The following MYO1B variants were observed in gnomAD, a reference collection of about 807,000 sequenced individuals.
MYO1B encodes unconventional myosin-Ib.
A neutral mutation model predicts 159.7 loss-of-function variants in MYO1B; 72 were observed. That is an observed-to-expected ratio of 0.45 (90% CI 0.37 to 0.55). The LOEUF (loss-of-function observed/expected upper bound fraction) is 0.55, where lower values mean the gene tolerates loss of function less well. Ranked by LOEUF, MYO1B falls within the 20% of genes least tolerant of loss-of-function variation. MYO1B has a pLI of 0.00. For missense variants in MYO1B, 1,062 were observed against 1,364.8 expected, an observed-to-expected ratio of 0.78 and a Z score of 3.50; for synonymous variants, 468 against 473.8, an observed-to-expected ratio of 0.99 and a Z score of 0.16.
intron 7 of MYO1B, among the ~76,000 whole-genome samples, chr2:191,359,022 T>C (rs1693487018): frequency 6.6e-6 from 1 of 152,240 alleles, no homozygotes. Flanking sequence ...CAAGCCACTT[T>C]CTTCTAAACT....
At chr2:191,410,239 C>G (rs1252521315) in intron 26 of MYO1B, among the ~76,000 whole-genome samples, 1 of 152,146 alleles carries the variant, frequency 6.6e-6, no homozygotes, top group Non-Finnish European at 1.5e-5. Flanking sequence ...CTCACCCATC[C>G]CTCCATTGGA....
At chr2:191,362,498 G>T in intron 9 of MYO1B, 127 bp downstream of exon 9, 1 of 589,562 alleles carries the variant, frequency 1.7e-6, no homozygotes, top group Non-Finnish European at 2.8e-6. Context: ...AATTATACAA[G>T]AATTCTATTT....
At chr2:191,316,877 CAATTT>C (rs755327194) in intron 3 of MYO1B, among the ~76,000 whole-genome samples, 90 of 152,274 alleles carry the variant, frequency 5.9e-4, no homozygotes, top group Non-Finnish European at 1.1e-3. Flanking sequence ...AGTCTTCTAG[CAATTT>C]AATTTAGGAA....
chr2:191,418,355 C>T (rs1216911875), intron 30 of MYO1B, among the ~76,000 whole-genome samples: 1 of 151,962 alleles, frequency 6.6e-6, no homozygotes, highest in Admixed American at 6.6e-5. Flanking sequence ...TGACTAAGCC[C>T]TTCCTTGCTT....
rs1695375082 is a variant in MYO1B, at chr2:191,385,965, C to T, written c.1435C>T (p.Leu479=). The T allele has an allele frequency of 1.9e-6, 3 of 1,614,182 alleles. No homozygotes were observed. The highest frequency in any genetic ancestry group is 2.5e-6 in the Non-Finnish European group (3 of 1,180,006). The change falls in exon 16 of 31, where the codon CTG becomes TTG. Residue 479 remains leucine (L), a synonymous_variant. Coordinates refer to ENST00000392318, the MANE Select transcript of MYO1B (RefSeq NM_001130158.3). ...TVTDETFLEK[L]NQVCATHQHF... is the part of the protein sequence containing the mutation. ...CACTGATGAGACCTTCTTAGAAAAGCTGAACCAAGTATGTGCCACCCACCA... is the reference window on the plus strand; with the variant it reads ...CACTGATGAGACCTTCTTAGAAAAGTTGAACCAAGTATGTGCCACCCACCA...
chr2:191,263,012 AT>A (rs1686918125), intron 1 of MYO1B: 1 of 152,152 alleles, frequency 6.6e-6, no homozygotes, highest in Non-Finnish European at 1.5e-5. Context: ...CCTCAGTTAG[AT>A]TGCACATGCA....
chr2:191,302,786 G>A (rs1251805405), intron 3 of MYO1B, among the ~76,000 whole-genome samples: 1 of 152,214 alleles, frequency 6.6e-6, no homozygotes, highest in African/African-American at 2.4e-5. Flanking sequence ...AGCAACAAAT[G>A]TTAAAACTTA....
chr2:191,385,841 A>G (rs761001583), intron 15 of MYO1B, 43 bp from the exon 16 acceptor site: 75 of 1,586,952 alleles, frequency 4.7e-5, no homozygotes, highest in Non-Finnish European at 6.3e-5. Flanking sequence ...TTAAAACAAT[A>G]TAGTGAGGAA....
chr2:191,350,251 A>G, intron 7 of MYO1B, 26 bp downstream of exon 7: 4 of 1,556,660 alleles, frequency 2.6e-6, no homozygotes, highest in Non-Finnish European at 3.5e-6. Context: ...CAGTCCTTGT[A>G]AAGAAGTTCA....
intron 22 of MYO1B, 67 bp from the exon 23 acceptor site, chr2:191,400,682 A>T: frequency 9.7e-6 from 15 of 1,552,580 alleles, no homozygotes; most frequent in Middle Eastern, 1.7e-4. Flanking sequence ...TTCTTTCTTC[A>T]TTGAAAACCA....
chr2:191,292,222 T>G (rs2125798383), intron 2 of MYO1B, among the ~76,000 whole-genome samples: 1 of 152,328 alleles, frequency 6.6e-6, no homozygotes, highest in African/African-American at 2.4e-5. Flanking sequence ...CATTTTTAGT[T>G]TCTTGAGTCA....
intron 3 of MYO1B, among the ~76,000 whole-genome samples, chr2:191,302,915 C>A (rs984295627): frequency 6.6e-5 from 10 of 152,222 alleles, no homozygotes; most frequent in African/African-American, 2.4e-4. Flanking sequence ...AGCCCTCCGT[C>A]TGTGGACTCT....
chr2:191,265,580 C>G (rs964682672), intron 1 of MYO1B, among the ~76,000 whole-genome samples: 1 of 152,160 alleles, frequency 6.6e-6, no homozygotes, highest in Non-Finnish European at 1.5e-5. Flanking sequence ...GTGCACCCAC[C>G]AGGAACAAAT....
intron 16 of MYO1B, among the ~76,000 whole-genome samples, chr2:191,386,520 A>T (rs1695407960): frequency 1.3e-5 from 2 of 151,748 alleles, no homozygotes; most frequent in South Asian, 4.1e-4. Flanking sequence ...TTTTTAAAAC[A>T]CTTATTTATT....
chr2:191,278,078 A>G (rs1337651737), intron 2 of MYO1B, among the ~76,000 whole-genome samples: 1 of 152,234 alleles, frequency 6.6e-6, no homozygotes, highest in African/African-American at 2.4e-5. Context: ...TTTTCTAGAT[A>G]GCCAACTCTC....
At chr2:191,381,378 C>A in intron 13 of MYO1B, 84 bp from the exon 14 acceptor site, 1 of 975,206 alleles carries the variant, frequency 1.0e-6, no homozygotes, top group Non-Finnish European at 1.6e-6. Flanking sequence ...TGGCATTTCT[C>A]ATGGATTGAG....
intron 4 of MYO1B, among the ~76,000 whole-genome samples, chr2:191,340,158 C>T (rs766389860): frequency 6.6e-6 from 1 of 151,946 alleles, no homozygotes; most frequent in Non-Finnish European, 1.5e-5. Context: ...TTCTGGGTCC[C>T]AGTTACGGAA....
At chr2:191,368,034 C>T (rs1694120232) in intron 11 of MYO1B, among the ~76,000 whole-genome samples, 1 of 152,132 alleles carries the variant, frequency 6.6e-6, no homozygotes, top group Non-Finnish European at 1.5e-5. Flanking sequence ...TTGTTTGTTG[C>T]CAACTCTTAG....
At chr2:191,409,300 C>A in intron 26 of MYO1B, 122 bp downstream of exon 26, 1 of 1,151,374 alleles carries the variant, frequency 8.7e-7, no homozygotes, top group Non-Finnish European at 1.2e-6. Context: ...TACTTGAGGA[C>A]TTTGGTGATT....
Sources: gnomAD v4.1 joint callset for allele counts (sites outside exome capture counted in the v4.1 genomes callset) on GRCh38, gnomAD v4.1.1 for gene constraint, MANE v1.5 for transcripts, NCBI Gene and HGNC (gene_info 2026-07-23, HGNC 2026-07-21) for gene names.